ARR3: variants seen among roughly 807,000 people sequenced by gnomAD.
ARR3 encodes arrestin 3.
In ARR3, 14 loss-of-function variants were observed where a neutral mutation model predicts 35.4. That is an observed-to-expected ratio of 0.40 (90% CI 0.26 to 0.62). The LOEUF is 0.62. Among genes scored for constraint, ARR3 ranks in the 20% least tolerant of loss-of-function variants. ARR3 has a pLI of 0.46. For synonymous variants in ARR3, 97 were observed against 119.1 expected (o/e 0.81, Z 1.21); for missense variants, 259 against 303.8 (o/e 0.85, Z 1.10).
chrX:70,281,010 G>GT (rs975001237), intron 15 of ARR3, 89 bp from the exon 16 acceptor site: 14 of 946,216 alleles, frequency 1.5e-5, no homozygotes, highest in Middle Eastern at 3.0e-4. Flanking sequence ...GTTGGGGGGG[G>GT]GGGAAGTAAA....
Position 70,276,066 on chromosome X carries a change from C to T in ARR3, c.146-16C>T. The T allele has an allele frequency of 8.3e-7, 1 of 1,209,717 alleles. No homozygotes were observed. The highest frequency in any genetic ancestry group is 1.1e-6 in the Non-Finnish European group (1 of 893,835). On this transcript the variant is annotated splice_polypyrimidine_tract_variant and intron_variant, in intron 5 of 16. Coordinates refer to ENST00000307959, the MANE Select transcript of ARR3 (RefSeq NM_004312.3). ...CTCAGGCCTGACAGACCACTCTCTTCCTCCTATGCCTGCAGTGTTTGTCAT... is the reference window on the plus strand; with the variant it reads ...CTCAGGCCTGACAGACCACTCTCTTTCTCCTATGCCTGCAGTGTTTGTCAT...
rs1432145854 is a variant in ARR3 at position 70,269,825 on chromosome X, G to T, written c.40-18G>T. The stretch of plus-strand genomic sequence containing the variant: ...AAAAATGATTGTGAGAATAACATGG[G>T]AAGTTGTTCCACAACAGCTCTCCAT... On this transcript the variant is annotated intron_variant, in intron 3 of 16. Transcript: ENST00000307959. The T allele has an allele frequency of 8.3e-7, 1 of 1,205,299 alleles. No homozygotes were observed. Among genetic ancestry groups the T allele is most frequent in the Admixed American group, 2.2e-5 (1 of 45,427 alleles).
In ARR3 at chrX:70,280,804, C is replaced by G. The variant is rs140505250; in HGVS notation, c.1052C>G (p.Pro351Arg). Residue 351 changes from proline to arginine, a missense_variant, in exon 15 of 17, where the codon CCG becomes CGG. Coordinates refer to ENST00000307959, the MANE Select transcript of ARR3 (RefSeq NM_004312.3). ...GAGCTACCCTTGGTCCTGATCCATC[C>G]GAAGCCATCTCATGGTGAGTGACCA... Reference protein sequence around the residue: ...GVELPLVLIHPKPSHEAASSE... With the variant: ...GVELPLVLIHRKPSHEAASSE... 2,146 of 1,209,147 alleles carry G rather than the reference C, an allele frequency of 1.8e-3. 1 individual carries two copies. The highest frequency in any genetic ancestry group is 2.1e-3 in the Non-Finnish European group (1,873 of 894,993).
intron 8 of ARR3, 30 bp from the exon 9 acceptor site, chrX:70,277,364 G>A (rs370341613): frequency 4.2e-6 from 5 of 1,200,355 alleles, no homozygotes; most frequent in Non-Finnish European, 5.6e-6. Flanking sequence ...AAAGGAGGAC[G>A]CTCTGGCTAA....
intron 4 of ARR3, 77 bp downstream of exon 4, chrX:70,269,980 C>T (rs1306570590): frequency 3.4e-6 from 4 of 1,173,506 alleles, no homozygotes; most frequent in South Asian, 1.8e-5. Flanking sequence ...CAGGAAAGAC[C>T]GTGCAGAAAA....
intron 14 of ARR3, 39 bp downstream of exon 14, chrX:70,280,621 G>A (rs1444576347): frequency 1.0e-5 from 12 of 1,194,210 alleles, no homozygotes; most frequent in Non-Finnish European, 1.1e-5. Context: ...GGCAAGAAGA[G>A]GAGGACAAGG....
chrX:70,278,219 G>C (rs2085662503), intron 11 of ARR3, 81 bp downstream of exon 11: 2 of 906,527 alleles, frequency 2.2e-6, no homozygotes, highest in Non-Finnish European at 3.1e-6. Context: ...TGAGGGGGTA[G>C]AGTGGGGGAG....
chrX:70,281,358 C>A (rs1019924987), intron 16 of ARR3: 19 of 445,854 alleles, frequency 4.3e-5, no homozygotes, highest in Non-Finnish European at 5.7e-5. Flanking sequence ...TCCCATTTTT[C>A]TTTTTCCTTT....
chrX:70,269,148 T>A (rs1229639583), intron 1 of ARR3, among the ~76,000 whole-genome samples: 2 of 111,199 alleles, frequency 1.8e-5, no homozygotes, highest in Non-Finnish European at 3.8e-5. Context: ...ATAGGAAGGT[T>A]TTTTTCCCCT....
chrX:70,273,956 T>C (rs1490162870), intron 5 of ARR3, among the ~76,000 whole-genome samples: 2 of 110,511 alleles, frequency 1.8e-5, no homozygotes, highest in Non-Finnish European at 3.8e-5. Flanking sequence ...CTCCTGTGTG[T>C]CCTTCCCTGA....
chrX:70,269,636 T>A (rs1175910722), intron 2 of ARR3, 26 bp from the exon 3 acceptor site: 1 of 1,200,095 alleles, frequency 8.3e-7, no homozygotes, highest in East Asian at 3.0e-5. Context: ...CCCCTCTCCA[T>A]CCTCTTTCTG....
At position 70,281,760 on chromosome X, in the gene ARR3, G is replaced by C. The variant is rs1378638905; in HGVS notation, c.1161G>C (p.Gly387=). The change falls in exon 17 of 17, where the codon GGG becomes GGC. Residue 387 remains glycine (G), a synonymous_variant. Coordinates refer to ENST00000307959, the MANE Select transcript of ARR3 (RefSeq NM_004312.3). The stretch of plus-strand genomic sequence containing the variant: ...CTGTGGAGGCTGAGGGAGATGAGGG[G>C]AGCTGAGCACCTCGCTCTGGTGCCC... ...QKAVEAEGDE[G]S 42 of 1,168,994 alleles carry C rather than the reference G, an allele frequency of 3.6e-5. No homozygotes were observed. The highest frequency in any genetic ancestry group is 4.7e-5 in the Non-Finnish European group (41 of 872,643).
At chrX:70,278,321 C>T (rs1169834239) in intron 11 of ARR3, among the ~76,000 whole-genome samples, 183 bp downstream of exon 11, 1 of 110,959 alleles carries the variant, frequency 9.0e-6, no homozygotes, top group African/African-American at 3.3e-5. Flanking sequence ...CGATGCTGAG[C>T]GAGGGCAGGG....
rs1016997645 is a variant in ARR3 at position 70,278,223 on chromosome X, G to T, written c.767+85G>T. 4.8e-5 allele frequency: 43 copies of T among 890,115 alleles called. 1 individual carries two copies. The East Asian group carries it at 1.3e-3, about 27-fold the overall frequency. 73.4% of individuals were successfully genotyped at this position (890,115 alleles called of 1,213,427 possible). A position where few individuals can be genotyped will look rare whatever the true frequency, so the allele number is the denominator to read the frequency against. On this transcript the variant is annotated intron_variant, in intron 11 of 16. Transcript: ENST00000307959. ...CAGGAGGCAGTTGAGGGGGTAGAGT[G>T]GGGGAGAAGAGTGGTGGAAGATTCC...
At chrX:70,280,051 G>C in intron 12 of ARR3, 144 bp from the exon 13 acceptor site, 1 of 513,217 alleles carries the variant, frequency 1.9e-6, no homozygotes, top group Non-Finnish European at 3.2e-6. Flanking sequence ...TCAACGGGTA[G>C]GAAAGGTTAG....
chrX:70,281,603 A>G (rs2085685385), intron 16 of ARR3, 73 bp from the exon 17 acceptor site: 2 of 920,431 alleles, frequency 2.2e-6, no homozygotes, highest in South Asian at 2.1e-5. Context: ...TGGGATCAGG[A>G]AAAAAGAGTG....
intron 5 of ARR3, among the ~76,000 whole-genome samples, chrX:70,274,222 G>A (rs1321911204): frequency 1.1e-5 from 1 of 89,008 alleles, no homozygotes; most frequent in African/African-American, 4.3e-5. Context: ...TTTTTTCTGA[G>A]ACAGAGACTC....
In ARR3 at chrX:70,277,715, G is replaced by C; in HGVS notation, c.610-1G>C. 1.7e-6 allele frequency: 2 copies of C among 1,208,984 alleles called. No homozygotes were observed. Among genetic ancestry groups the C allele is most frequent in the Non-Finnish European group, 2.2e-6 (2 of 893,534 alleles). On this transcript the variant is annotated splice_acceptor_variant, in intron 9 of 16. Coordinates refer to ENST00000307959, the MANE Select transcript of ARR3 (RefSeq NM_004312.3). LOFTEE classifies it high-confidence loss of function. ...GACATGGGTCCCCGCTCCTGCTTTAGGTTCACTACCACGGAGAACCCATCT... is the reference window on the plus strand; with the variant it reads ...GACATGGGTCCCCGCTCCTGCTTTACGTTCACTACCACGGAGAACCCATCT...
At chrX:70,278,683 C>T in intron 12 of ARR3, 42 bp downstream of exon 12, 1 of 1,179,452 alleles carries the variant, frequency 8.5e-7, no homozygotes, top group Non-Finnish European at 1.1e-6. Context: ...TCCTACCCCT[C>T]AACCATTCCA....
Sources: allele counts gnomAD v4.1 joint callset (sites outside exome capture counted in the v4.1 genomes callset), GRCh38; gene constraint gnomAD v4.1.1; transcripts MANE v1.5; gene names NCBI Gene and HGNC (gene_info 2026-07-23, HGNC 2026-07-21).